The following SNTG1 variants were observed in gnomAD, a reference collection of about 807,000 sequenced individuals.
SNTG1 encodes the protein gamma-1-syntrophin.
Under a neutral mutation model 74.7 loss-of-function variants are expected in SNTG1, and 39 were observed. The ratio of observed to expected loss-of-function variants is 0.52; its 90% CI spans 0.40 to 0.68. The LOEUF is 0.68. Ranked by LOEUF, SNTG1 falls within the 30% of genes least tolerant of loss-of-function variation. The pLI is 0.00. For missense variants in SNTG1, 685 were observed against 609.5 expected, an observed-to-expected ratio of 1.12 and a Z score of -1.30; for synonymous variants, 254 against 217.1, an observed-to-expected ratio of 1.17 and a Z score of -1.49.
At chr8:50,614,216 T>C (rs2094871154) in intron 13 of SNTG1, among the ~76,000 whole-genome samples, 1 of 152,130 alleles carries the variant, frequency 6.6e-6, no homozygotes, top group Non-Finnish European at 1.5e-5. Context: ...AGATGGGATA[T>C]ATATTTTTTG....
intron 2 of SNTG1, among the ~76,000 whole-genome samples, chr8:50,366,958 C>T (rs369273644): frequency 2.0e-4 from 30 of 147,154 alleles, no homozygotes; most frequent in South Asian, 1.7e-3. Context: ...ACTATAAGGA[C>T]GCAAATAGTA....
At chr8:50,650,821 C>A (rs1420154395) in intron 13 of SNTG1, among the ~76,000 whole-genome samples, 1 of 152,112 alleles carries the variant, frequency 6.6e-6, no homozygotes, top group Non-Finnish European at 1.5e-5. Flanking sequence ...CTGCCTCAGT[C>A]TCCCGAGCAG....
At chr8:50,281,116 A>G (rs2088426416) in intron 2 of SNTG1, among the ~76,000 whole-genome samples, 2 of 152,214 alleles carry the variant, frequency 1.3e-5, no homozygotes, top group African/African-American at 4.8e-5. Context: ...AAAATATGTC[A>G]AAGAAATATG....
At chr8:50,164,911 G>T (rs1431192425) in intron 1 of SNTG1, among the ~76,000 whole-genome samples, 3 of 152,110 alleles carry the variant, frequency 2.0e-5, no homozygotes, top group South Asian at 4.1e-4. Context: ...TTTGGTCAAA[G>T]AATGAGTCAT....
chr8:50,247,685 T>TC (rs1479579053), intron 2 of SNTG1, among the ~76,000 whole-genome samples: 1 of 151,172 alleles, frequency 6.6e-6, no homozygotes, highest in African/African-American at 2.4e-5. Flanking sequence ...TTTTTAGTTT[T>TC]TTTTTTTAAT....
At chr8:50,158,407 G>A (rs993517696) in intron 1 of SNTG1, among the ~76,000 whole-genome samples, 6 of 152,106 alleles carry the variant, frequency 3.9e-5, no homozygotes, top group African/African-American at 1.4e-4. Flanking sequence ...GACCATCAGA[G>A]AGCACTGGGC....
In SNTG1 at chr8:50,627,616, G is replaced by A. The variant is rs560527408; in HGVS notation, c.850-29293G>A. Among the ~76,000 whole-genome samples the A allele has an allele frequency of 1.1e-3, 172 of 152,268 alleles. 1 individual carries two copies. The highest frequency in any genetic ancestry group is 4.0e-3 in the African/African-American group (167 of 41,562). ...CATCAATTGTACTTCTAGTCAACTG[G>A]CTATAAACCAGGGTTCCCATGACCC... On this transcript the variant is annotated intron_variant, in intron 13 of 18. Coordinates refer to ENST00000642720, the MANE Select transcript of SNTG1 (RefSeq NM_018967.5).
chr8:50,507,117 G>A (rs896559180), intron 9 of SNTG1, among the ~76,000 whole-genome samples: 1 of 151,750 alleles, frequency 6.6e-6, no homozygotes, highest in African/African-American at 2.4e-5. Flanking sequence ...TTATTGTGAT[G>A]TGTTAATTAC....
intron 11 of SNTG1, among the ~76,000 whole-genome samples, chr8:50,544,620 A>C (rs923939394): frequency 6.6e-6 from 1 of 152,026 alleles, no homozygotes; most frequent in African/African-American, 2.4e-5. Context: ...GACTCCTTAC[A>C]TTTTCATTTT....
chr8:50,040,453 AT>A (rs1413981538), intron 1 of SNTG1, among the ~76,000 whole-genome samples: 1 of 152,162 alleles, frequency 6.6e-6, no homozygotes, highest in Non-Finnish European at 1.5e-5. Context: ...TAAACTGTAT[AT>A]CTTAATTTGT....
rs188535244 is a variant in SNTG1, at chr8:50,585,019, C to G, written c.811-5860C>G. ...TTTGGGAAGAAGGGGCAGGCATTGG[C>G]TCTGGGTCATTCATACAGAATTTTC... is the stretch of plus-strand genomic sequence containing the variant. On this transcript the variant is annotated intron_variant, in intron 12 of 18. Transcript: ENST00000642720. Among the ~76,000 whole-genome samples the G allele has an allele frequency of 1.1e-3, 163 of 152,228 alleles. 2 individuals are homozygous for G. Among genetic ancestry groups the G allele is most frequent in the African/African-American group, 3.8e-3 (159 of 41,540 alleles).
At chr8:50,541,989 T>A (rs938664275) in intron 11 of SNTG1, among the ~76,000 whole-genome samples, 1 of 151,234 alleles carries the variant, frequency 6.6e-6, no homozygotes, top group African/African-American at 2.4e-5. Context: ...TTGCTGCAAA[T>A]GACAGAATTT....
chr8:50,380,642 G>A (rs2092464419), intron 2 of SNTG1, among the ~76,000 whole-genome samples: 1 of 152,156 alleles, frequency 6.6e-6, no homozygotes, highest in Admixed American at 6.5e-5. Flanking sequence ...CTGGAGAGGT[G>A]CATATCTTTA....
chr8:50,674,479 C>T (rs1269446097), intron 15 of SNTG1, among the ~76,000 whole-genome samples: 1 of 151,834 alleles, frequency 6.6e-6, no homozygotes, highest in African/African-American at 2.4e-5. Context: ...TTATAGTATT[C>T]TCTGATGGTA....
chr8:50,542,517 C>T (rs1385174042), intron 11 of SNTG1, among the ~76,000 whole-genome samples: 1 of 152,148 alleles, frequency 6.6e-6, no homozygotes, highest in Non-Finnish European at 1.5e-5. Context: ...GTTGATTTCA[C>T]ATTTTGGCTA....
At chr8:49,934,540 C>T (rs1487428103) in intron 1 of SNTG1, among the ~76,000 whole-genome samples, 2 of 152,006 alleles carry the variant, frequency 1.3e-5, no homozygotes. Flanking sequence ...GTGGAAGAGA[C>T]CTCAGAGAGA....
intron 15 of SNTG1, among the ~76,000 whole-genome samples, chr8:50,676,452 G>A (rs1563730536): frequency 6.6e-6 from 1 of 151,914 alleles, no homozygotes; most frequent in African/African-American, 2.4e-5. Context: ...AAGTTCTCGT[G>A]CTGTGTTACG....
intron 1 of SNTG1, among the ~76,000 whole-genome samples, chr8:50,094,364 GCAAAAGAAACTAT>G (rs1300257825): frequency 6.6e-6 from 1 of 152,078 alleles, no homozygotes; most frequent in African/African-American, 2.4e-5. Flanking sequence ...CTTCTGTGCA[GCAAAAGAAACTAT>G]CAAGAGAGGA....
chr8:50,685,168 A>G (rs1052775255), intron 15 of SNTG1, among the ~76,000 whole-genome samples: 2 of 152,168 alleles, frequency 1.3e-5, no homozygotes, highest in African/African-American at 4.8e-5. Context: ...GAACAAGAGC[A>G]TGGTTGTGGT....
Sources: allele counts gnomAD v4.1 joint callset (sites outside exome capture counted in the v4.1 genomes callset), GRCh38; gene constraint gnomAD v4.1.1; transcripts MANE v1.5; gene names NCBI Gene and HGNC (gene_info 2026-07-23, HGNC 2026-07-21).